The following DOCK1 variants were observed in gnomAD, a reference collection of about 807,000 sequenced individuals.
DOCK1 encodes dedicator of cytokinesis protein 1.
DOCK1 carries 138 observed loss-of-function variants against 262.7 expected under a neutral mutation model. That is an observed-to-expected ratio of 0.53 (90% CI 0.46 to 0.61). The LOEUF (loss-of-function observed/expected upper bound fraction) is 0.61, where lower values mean the gene tolerates loss of function less well. Among genes scored for constraint, DOCK1 ranks in the 20% least tolerant of loss-of-function variants. The pLI is 0.00. For missense variants in DOCK1, 1,908 were observed against 2,370.7 expected (o/e 0.80, Z 4.05); for synonymous variants, 866 against 867.4 (o/e 1.00, Z 0.03).
At chr10:127,292,012 A>G (rs1436026976) in intron 29 of DOCK1, among the ~76,000 whole-genome samples, 2 of 152,140 alleles carry the variant, frequency 1.3e-5, no homozygotes, top group African/African-American at 4.8e-5. Context: ...ACAAGGATGC[A>G]CAGGGCAGCC....
chr10:127,187,018 C>G (rs1037377958), intron 27 of DOCK1, among the ~76,000 whole-genome samples: 2 of 152,194 alleles, frequency 1.3e-5, no homozygotes, highest in African/African-American at 4.8e-5. Flanking sequence ...CTTAAAGGGC[C>G]AGTTGCAGCA....
At chr10:127,125,827 CT>C (rs1482612581) in intron 26 of DOCK1, among the ~76,000 whole-genome samples, 4 of 152,006 alleles carry the variant, frequency 2.6e-5, no homozygotes, top group African/African-American at 9.7e-5. Flanking sequence ...TTTCCTGTGT[CT>C]TCTCGACGAA....
At chr10:127,245,693 T>C (rs1186825489) in intron 27 of DOCK1, among the ~76,000 whole-genome samples, 1 of 152,252 alleles carries the variant, frequency 6.6e-6, no homozygotes, top group Non-Finnish European at 1.5e-5. Context: ...TCACGTCATC[T>C]GGCCTGAGTC....
At chr10:127,188,601 CGTG>C (rs2134063314) in intron 27 of DOCK1, among the ~76,000 whole-genome samples, 1 of 152,280 alleles carries the variant, frequency 6.6e-6, no homozygotes, top group Admixed American at 6.5e-5. Context: ...GGTTTGCTAA[CGTG>C]GTTAATTTCT....
intron 1 of DOCK1, among the ~76,000 whole-genome samples, chr10:126,915,660 C>T (rs573005091): frequency 5.3e-5 from 8 of 152,270 alleles, no homozygotes; most frequent in East Asian, 1.9e-4. Flanking sequence ...ACTGTGTTAG[C>T]CAGGATGGTC....
intron 35 of DOCK1, among the ~76,000 whole-genome samples, chr10:127,377,362 T>A (rs1227728622): frequency 6.6e-6 from 1 of 152,200 alleles, no homozygotes; most frequent in East Asian, 1.9e-4. Context: ...CATCTCTAAA[T>A]GAATATAGAT....
rs1260140881 is a variant in DOCK1, at chr10:127,349,763, G to A, written c.3225-4906G>A. ...CCCTGCCTCTCTCCTGGCTTCCGGT[G>A]GCTGCCCCGGTCTTTGGCATTCCGT... On this transcript the variant is annotated intron_variant, in intron 31 of 51. Transcript: ENST00000623213. 2.0e-5 allele frequency among the ~76,000 whole-genome samples: 3 copies of A among 152,156 alleles called. No individual in the cohort carries two copies. In the East Asian group the frequency reaches 5.8e-4, roughly 29 times the overall value.
At chr10:126,986,223 A>G (rs367638723) in intron 4 of DOCK1, among the ~76,000 whole-genome samples, 34 of 152,088 alleles carry the variant, frequency 2.2e-4, no homozygotes, top group African/African-American at 8.2e-4. Context: ...TTCTGGAACT[A>G]TCCATGAGAC....
At chr10:127,098,530 C>T (rs2048043005) in intron 23 of DOCK1, among the ~76,000 whole-genome samples, 1 of 152,174 alleles carries the variant, frequency 6.6e-6, no homozygotes, top group African/African-American at 2.4e-5. Context: ...CATTCTCCCA[C>T]AGCCCCTTGA....
chr10:127,141,309 G>A (rs2051218770), intron 27 of DOCK1, among the ~76,000 whole-genome samples: 3 of 152,268 alleles, frequency 2.0e-5, no homozygotes, highest in African/African-American at 4.8e-5. Flanking sequence ...GATGCCATGC[G>A]GTCATCCTCT....
chr10:127,175,252 C>A lies in DOCK1; in HGVS notation c.2847+47488C>A, dbSNP rs1368633234. The A allele has an allele frequency of 3.1e-6, 5 of 1,613,946 alleles. No homozygotes were observed. In the African/African-American group the frequency reaches 5.3e-5, roughly 17 times the overall value. On this transcript the variant is annotated intron_variant, in intron 27 of 51. Coordinates refer to ENST00000623213, the MANE Select transcript of DOCK1 (RefSeq NM_001290223.2). This position sits in a 1 kb window ranked among gnomAD's most constrained non-coding sequence, Gnocchi z 6.3. ...TCTCCTTTTTCCAACTCCTGAATGA[C>A]CCCCAAGAGCACTTTGATGGTTTCT...
At chr10:127,146,048 G>T in intron 27 of DOCK1, 1 of 518,488 alleles carries the variant, frequency 1.9e-6, no homozygotes, top group South Asian at 1.4e-5. Flanking sequence ...CCCAGCCCTA[G>T]ACATCGTGGC....
intron 1 of DOCK1, among the ~76,000 whole-genome samples, chr10:126,960,795 C>G (rs1314358171): frequency 7.9e-6 from 1 of 126,124 alleles, no homozygotes; most frequent in Non-Finnish European, 1.7e-5. Flanking sequence ...TGTATATACA[C>G]ACACACACAC....
chr10:127,397,546 T>C (rs200042792), intron 38 of DOCK1, among the ~76,000 whole-genome samples: 2 of 149,654 alleles, frequency 1.3e-5, no homozygotes, highest in Admixed American at 1.3e-4. Context: ...TCCTATGTGA[T>C]CTGAGCATGA....
intron 16 of DOCK1, among the ~76,000 whole-genome samples, chr10:127,027,049 C>G (rs1370943756): frequency 1.3e-5 from 2 of 152,242 alleles, no homozygotes; most frequent in Non-Finnish European, 1.5e-5. Context: ...TGATTCCCGT[C>G]TTTCAGGGTG....
At chr10:127,208,777 G>C (rs2057837485) in intron 27 of DOCK1, among the ~76,000 whole-genome samples, 2 of 152,160 alleles carry the variant, frequency 1.3e-5, no homozygotes, top group South Asian at 4.1e-4. Context: ...TCATCTGTTA[G>C]ATGATATCTA....
At chr10:126,940,657 G>T (rs1009723796) in intron 1 of DOCK1, among the ~76,000 whole-genome samples, 38 of 152,320 alleles carry the variant, frequency 2.5e-4, no homozygotes, top group African/African-American at 9.1e-4. Context: ...ACCCACCTCA[G>T]CCTCCCAAAG....
intron 44 of DOCK1, 34 bp downstream of exon 44, chr10:127,415,272 G>T (rs752602741): frequency 6.3e-7 from 1 of 1,595,040 alleles, no homozygotes. Flanking sequence ...GGAATTGTCC[G>T]TTCCCTTCCT....
At chr10:127,043,034 T>C in intron 20 of DOCK1, 30 bp from the exon 21 acceptor site, 2 of 1,513,698 alleles carry the variant, frequency 1.3e-6, no homozygotes, top group Non-Finnish European at 1.8e-6. Flanking sequence ...ATTATGTTGC[T>C]AATGAAAATA....
Sources: allele counts gnomAD v4.1 joint callset (sites outside exome capture counted in the v4.1 genomes callset), GRCh38; gene constraint gnomAD v4.1.1; non-coding constraint Gnocchi (gnomAD v3.1); transcripts MANE v1.5; gene names NCBI Gene and HGNC (gene_info 2026-07-23, HGNC 2026-07-21).